The following CARD8 variants were observed in gnomAD, a reference collection of about 807,000 sequenced individuals.
CARD8 encodes caspase recruitment domain-containing protein 8.
In CARD8, 38 loss-of-function variants were observed where a neutral mutation model predicts 53.2. The ratio of observed to expected loss-of-function variants is 0.71; its 90% CI spans 0.55 to 0.94. The LOEUF (loss-of-function observed/expected upper bound fraction) is 0.94, where lower values mean the gene tolerates loss of function less well. Among genes scored for constraint, CARD8 ranks in the 40% least tolerant of loss-of-function variants. The pLI is 0.00. For synonymous variants in CARD8, 245 were observed against 244.9 expected, an observed-to-expected ratio of 1.00 and a Z score of 0.00; for missense variants, 561 against 655.5, an observed-to-expected ratio of 0.86 and a Z score of 1.57.
intron 6 of CARD8, chr19:48,233,395 G>C (rs994508493): frequency 5.5e-5 from 25 of 456,140 alleles, no homozygotes; most frequent in Non-Finnish European, 9.7e-5. Flanking sequence ...GGTTTAAAAA[G>C]AACAGGTACC....
At chr19:48,233,192 A>G in intron 6 of CARD8, 1 of 371,070 alleles carries the variant, frequency 2.7e-6, no homozygotes, top group East Asian at 7.3e-5. Flanking sequence ...ATATTAGCCA[A>G]TATGGGTTCT....
Position 48,211,714 on chromosome 19 carries a change from A to G in CARD8, c.1610T>C (p.Leu537Ser). Residue 537 changes from leucine to serine, a missense_variant, in exon 14 of 14, where the codon TTG becomes TCG. By Grantham distance (145) the Leu-to-Ser change is moderately radical (BLOSUM62 -2). Transcript: ENST00000651546. ...AGACTACCTAACTGACTCATTTTAC[A>G]AATTCTGCTGTCTAAGATAGGACAC... ...YLVSYLRQQN[L>S] The G allele has an allele frequency of 6.2e-7, 1 of 1,613,178 alleles. No homozygotes were observed. Among genetic ancestry groups the G allele is most frequent in the Non-Finnish European group, 8.5e-7 (1 of 1,179,522 alleles).
intron 3 of CARD8, among the ~76,000 whole-genome samples, chr19:48,243,286 TAC>T (rs2045534785): frequency 2.6e-5 from 4 of 152,190 alleles, no homozygotes; most frequent in African/African-American, 9.7e-5. Context: ...GTGCTGGGAT[TAC>T]AGACGTGAGC....
chr19:48,246,053 G>A (rs956009857), intron 3 of CARD8, among the ~76,000 whole-genome samples: 16 of 151,926 alleles, frequency 1.1e-4, no homozygotes, highest in Admixed American at 2.6e-4. Context: ...AGATCTAATC[G>A]AGGATCTCAC....
chr19:48,238,506 T>G lies in CARD8; in HGVS notation c.86A>C (p.Asp29Ala). Residue 29 changes from aspartate (D) to alanine (A), a missense_variant, in exon 5 of 14, where the codon GAT becomes GCT. Coordinates refer to ENST00000651546, the MANE Select transcript of CARD8 (RefSeq NM_001184900.3). ...TTGTAGTCTAATGAGTTTGGATGCA[T>G]CTATGTTCCTACTGGATCCACTGTC... Reference protein sequence around the residue: ...RRDSGSSRNIDASKLIRLQGS... With the variant: ...RRDSGSSRNIAASKLIRLQGS... The G allele has an allele frequency of 6.5e-7, 1 of 1,536,518 alleles. No homozygotes were observed. The highest frequency in any genetic ancestry group is 8.7e-7 in the Non-Finnish European group (1 of 1,147,002).
At chr19:48,242,333 G>T (rs2045314583) in intron 3 of CARD8, among the ~76,000 whole-genome samples, 2 of 152,110 alleles carry the variant, frequency 1.3e-5, no homozygotes, top group Non-Finnish European at 2.9e-5. Flanking sequence ...GGCACTGAAT[G>T]TACCAGTGCC....
intron 3 of CARD8, among the ~76,000 whole-genome samples, chr19:48,247,756 GTATATATA>G (rs557750959): frequency 2.3e-4 from 33 of 143,450 alleles, no homozygotes; most frequent in African/African-American, 7.9e-4. Flanking sequence ...CTATGTTATT[GTATATATA>G]TATATATATA....
intron 4 of CARD8, 26 bp downstream of exon 4, chr19:48,240,936 C>G: frequency 6.6e-7 from 1 of 1,521,702 alleles, no homozygotes; most frequent in Non-Finnish European, 8.8e-7. Context: ...CCATCAGGAG[C>G]CCTCACAGAG....
At chr19:48,231,051 T>C (rs1419094338) in intron 8 of CARD8, 45 bp from the exon 9 acceptor site, 1 of 1,522,846 alleles carries the variant, frequency 6.6e-7, no homozygotes, top group Non-Finnish European at 9.1e-7. Flanking sequence ...ACCCCAGGAC[T>C]TGGATTTAAG....
At chr19:48,254,101 A>G (rs191187399) in intron 1 of CARD8, among the ~76,000 whole-genome samples, 27 of 152,334 alleles carry the variant, frequency 1.8e-4, no homozygotes, top group Admixed American at 1.7e-3. Flanking sequence ...ATGTACAATG[A>G]GTTATAAATA....
intron 11 of CARD8, among the ~76,000 whole-genome samples, chr19:48,220,961 G>GGAAGGAAGGAAGGAAA (rs1568695955): frequency 8.3e-4 from 61 of 73,924 alleles, no homozygotes; most frequent in African/African-American, 3.3e-3. Flanking sequence ...AGGAAAGGAA[G>GGAAGGAAGGAAGGAAA]GAAGGAAGGA....
chr19:48,207,743 T>TGTTTTG (rs781277588), downstream of CARD8, among the ~76,000 whole-genome samples: 1 of 63,726 alleles, frequency 1.6e-5, no homozygotes, highest in African/African-American at 4.6e-5. Context: ...TGTTTTTTTT[T>TGTTTTG]TTTTTTTTTT....
At chr19:48,204,503 G>A (rs193061359), downstream of CARD8, among the ~76,000 whole-genome samples, 35 of 152,210 alleles carry the variant, frequency 2.3e-4, no homozygotes, top group Middle Eastern at 3.4e-3. Flanking sequence ...AAACGCAGTA[G>A]GATCCGCCCG....
At chr19:48,241,316 C>T (rs1005860814) in intron 3 of CARD8, among the ~76,000 whole-genome samples, 11 of 152,064 alleles carry the variant, frequency 7.2e-5, no homozygotes, top group Non-Finnish European at 1.5e-4. Context: ...AGTGCAATGG[C>T]GAGATCTTGA....
chr19:48,221,833 C>G lies in CARD8; in HGVS notation c.1058G>C (p.Arg353Pro), dbSNP rs540915752. Residue 353 changes from arginine to proline, a missense_variant, in exon 11 of 14, where the codon CGC (arginine) becomes CCC (proline). Arg to Pro is a moderately radical substitution (Grantham distance 103). Coordinates refer to ENST00000651546, the MANE Select transcript of CARD8 (RefSeq NM_001184900.3). Reference protein sequence around the residue: ...LTKAIDDEEDRFHGVRLQTSP... With the variant: ...LTKAIDDEEDPFHGVRLQTSP... ...AGTCTGCAGGCGCACACCATGGAAG[C>G]GATCTTCCTCATCATCTATCGCCTA... is the stretch of plus-strand genomic sequence containing the variant. 10 of 1,601,842 alleles carry G rather than the reference C, an allele frequency of 6.2e-6. No homozygotes were observed. Among genetic ancestry groups the G allele is most frequent in the Non-Finnish European group, 8.5e-6 (10 of 1,172,258 alleles).
downstream of CARD8, among the ~76,000 whole-genome samples, chr19:48,207,734 G>GTTTTTTTTTTT (rs758903014): frequency 8.0e-4 from 93 of 116,510 alleles, 6 homozygotes; most frequent in African/African-American, 3.2e-3. Flanking sequence ...TTGTTTTTCT[G>GTTTTTTTTTTT]TTTTTTTTTT....
At chr19:48,214,635 A>G (rs1242207044) in intron 13 of CARD8, among the ~76,000 whole-genome samples, 2 of 152,096 alleles carry the variant, frequency 1.3e-5, no homozygotes, top group Non-Finnish European at 2.9e-5. Context: ...GGAAGAAGGG[A>G]TGCAAGACCC....
At chr19:48,205,746 C>G (rs1224952849), downstream of CARD8, among the ~76,000 whole-genome samples, 1 of 152,058 alleles carries the variant, frequency 6.6e-6, no homozygotes, top group East Asian at 1.9e-4. Context: ...GCCCCAGAGT[C>G]TGGGCTCTCA....
chr19:48,229,611 C>A (rs1156558452), intron 10 of CARD8, among the ~76,000 whole-genome samples: 1 of 152,190 alleles, frequency 6.6e-6, no homozygotes, highest in Non-Finnish European at 1.5e-5. Context: ...AATCGCCCCA[C>A]CTAGGCTGGA....
Sources: allele counts gnomAD v4.1 joint callset (sites outside exome capture counted in the v4.1 genomes callset), GRCh38; gene constraint gnomAD v4.1.1; transcripts MANE v1.5; gene names NCBI Gene and HGNC (gene_info 2026-07-23, HGNC 2026-07-21).